The following GPR149 variants were observed in gnomAD, a reference collection of about 807,000 sequenced individuals.
The protein encoded by GPR149 is probable G protein-coupled receptor 149.
In GPR149, 50 loss-of-function variants were observed where a neutral mutation model predicts 50.2. The ratio of observed to expected loss-of-function variants is 1.00; its 90% CI spans 0.79 to 1.26. GPR149 has a LOEUF of 1.26. GPR149 is among the 50% of genes most tolerant of loss of function. The probability of loss-of-function intolerance (pLI) is 0.00; values close to 1 mark genes in which losing one functional copy is unlikely to be tolerated. For missense variants in GPR149, 983 were observed against 895.4 expected, an observed-to-expected ratio of 1.10 and a Z score of -1.25; for synonymous variants, 405 against 358.2, an observed-to-expected ratio of 1.13 and a Z score of -1.48.
At chr3:154,403,550 A>G (rs1711601480) in intron 3 of GPR149, among the ~76,000 whole-genome samples, 1 of 151,170 alleles carries the variant, frequency 6.6e-6, no homozygotes, top group Non-Finnish European at 1.5e-5. Context: ...TTTGTTCTTT[A>G]AAAAAGTATA....
chr3:154,355,722 A>G (rs1175974922), intron 3 of GPR149, among the ~76,000 whole-genome samples: 3 of 152,230 alleles, frequency 2.0e-5, no homozygotes, highest in Non-Finnish European at 4.4e-5. Flanking sequence ...ATAATTTTTT[A>G]TATCCTAATG....
At chr3:154,351,462 G>A (rs1177125332) in intron 3 of GPR149, among the ~76,000 whole-genome samples, 1 of 151,518 alleles carries the variant, frequency 6.6e-6, no homozygotes, top group African/African-American at 2.4e-5. Flanking sequence ...GAAAATCTTT[G>A]AGATCTAAGG....
chr3:154,424,002 G>A (rs577093875), intron 2 of GPR149, among the ~76,000 whole-genome samples: 3 of 151,840 alleles, frequency 2.0e-5, no homozygotes, highest in Admixed American at 1.3e-4. Flanking sequence ...ATTAACAAAG[G>A]CAAATGGGAA....
intron 3 of GPR149, among the ~76,000 whole-genome samples, chr3:154,406,652 T>G (rs963271167): frequency 2.0e-5 from 3 of 152,132 alleles, no homozygotes; most frequent in African/African-American, 7.2e-5. Context: ...CATATCTACG[T>G]GTAAGAAAAG....
At chr3:154,396,566 G>T (rs917024506) in intron 3 of GPR149, among the ~76,000 whole-genome samples, 1 of 151,788 alleles carries the variant, frequency 6.6e-6, no homozygotes, top group Non-Finnish European at 1.5e-5. Flanking sequence ...ATTTGGTAGG[G>T]TATCATTTTT....
intron 2 of GPR149, among the ~76,000 whole-genome samples, chr3:154,422,908 G>A (rs961772961): frequency 2.0e-5 from 3 of 151,644 alleles, no homozygotes; most frequent in Non-Finnish European, 3.0e-5. Flanking sequence ...GGTTTCTATT[G>A]TTCTCCAAAA....
chr3:154,354,761 T>C (rs1263381280), intron 3 of GPR149: 2 of 731,260 alleles, frequency 2.7e-6, no homozygotes, highest in Non-Finnish European at 4.0e-6. Context: ...AAGGGTGTTT[T>C]CAGCTCCATA....
At chr3:154,367,596 T>C (rs1714559965) in intron 3 of GPR149, among the ~76,000 whole-genome samples, 1 of 152,202 alleles carries the variant, frequency 6.6e-6, no homozygotes, top group East Asian at 1.9e-4. Context: ...TTTCCCTCCT[T>C]AAAGAGTTTA....
chr3:154,389,985 A>T (rs1419481100), intron 3 of GPR149, among the ~76,000 whole-genome samples: 1 of 152,180 alleles, frequency 6.6e-6, no homozygotes, highest in Admixed American at 6.6e-5. Context: ...AGGCATTGAC[A>T]TCTGTCTTAT....
rs571918487 is a variant in GPR149, at chr3:154,428,222, C to T, written c.981+413G>A. ...TCTATCCCGCCCTGCTGGAGATGGG[C>T]GTCGTCCTCTCTAGGCGGGAATGGA... On this transcript the variant is annotated intron_variant, in intron 1 of 3. Coordinates refer to ENST00000389740, the MANE Select transcript of GPR149 (RefSeq NM_001038705.3). Among the ~76,000 whole-genome samples, 21 of 152,306 alleles carry T rather than the reference C, an allele frequency of 1.4e-4. 1 individual carries two copies. In the South Asian group the frequency reaches 4.1e-3, roughly 30 times the overall value.
intron 3 of GPR149, among the ~76,000 whole-genome samples, chr3:154,340,013 C>T (rs1431554119): frequency 3.3e-5 from 5 of 151,780 alleles, no homozygotes; most frequent in Admixed American, 6.6e-5. Flanking sequence ...AGGATGGTCT[C>T]GATCTCCTGA....
intron 3 of GPR149, among the ~76,000 whole-genome samples, chr3:154,385,075 T>C (rs1225157449): frequency 6.6e-6 from 1 of 152,210 alleles, no homozygotes; most frequent in East Asian, 1.9e-4. Context: ...TGAGTGTGTT[T>C]CCTAAAGGAT....
chr3:154,356,454 T>C (rs561308503), intron 3 of GPR149, among the ~76,000 whole-genome samples: 91 of 152,226 alleles, frequency 6.0e-4, no homozygotes, highest in Middle Eastern at 3.4e-3. Context: ...CCCAAAATCT[T>C]CTTAAGCTGA....
chr3:154,428,586 A>C, intron 1 of GPR149, 49 bp downstream of exon 1: 1 of 1,560,284 alleles, frequency 6.4e-7, no homozygotes, highest in Non-Finnish European at 8.7e-7. Context: ...ACACTCATTT[A>C]CACTGTCTGG....
chr3:154,352,500 G>T (rs948507480), intron 3 of GPR149: 1 of 773,478 alleles, frequency 1.3e-6, no homozygotes, highest in African/African-American at 1.7e-5. Flanking sequence ...AATCTGAGAC[G>T]CTGTATTACT....
intron 3 of GPR149, among the ~76,000 whole-genome samples, chr3:154,415,468 A>G (rs1285849219): frequency 6.6e-6 from 1 of 151,942 alleles, no homozygotes; most frequent in Non-Finnish European, 1.5e-5. Context: ...ATTTATATTC[A>G]TGGATGAATT....
chr3:154,403,529 G>A (rs1711600475), intron 3 of GPR149, among the ~76,000 whole-genome samples: 1 of 152,076 alleles, frequency 6.6e-6, no homozygotes, highest in Non-Finnish European at 1.5e-5. Flanking sequence ...GGGCTTGAAA[G>A]CATATATAGC....
rs371022553 is a variant in GPR149, at chr3:154,429,280, A to G, written c.336T>C (p.Tyr112=). ...QFLCTTSALM[Y]LCQGLSSNLK... ...AGTTGCTAGAGAGGCCCTGGCATAA[A>G]TACATTAAGGCAGAGGTGGTGCACA... is the stretch of plus-strand genomic sequence containing the variant. Residue 112 remains tyrosine, a synonymous_variant, in exon 1 of 4, where the codon TAT becomes TAC. Transcript: ENST00000389740. The G allele has an allele frequency of 1.7e-5, 27 of 1,614,082 alleles. No individual in the cohort carries two copies. Among genetic ancestry groups the G allele is most frequent in the Admixed American group, 1.0e-4 (6 of 60,008 alleles).
intron 3 of GPR149, among the ~76,000 whole-genome samples, chr3:154,362,626 T>G (rs1714439046): frequency 1.3e-5 from 2 of 152,062 alleles, no homozygotes; most frequent in South Asian, 4.1e-4. Context: ...GAGTGAAGAG[T>G]GGAAGCCAGG....
Sources: gnomAD v4.1 joint callset for allele counts (sites outside exome capture counted in the v4.1 genomes callset) on GRCh38, gnomAD v4.1.1 for gene constraint, MANE v1.5 for transcripts, NCBI Gene and HGNC (gene_info 2026-07-23, HGNC 2026-07-21) for gene names.